The following TMTC2 variants were observed in gnomAD, a reference collection of about 807,000 sequenced individuals.
The protein encoded by TMTC2 is protein O-mannosyl-transferase TMTC2.
A neutral mutation model predicts 82.4 loss-of-function variants in TMTC2; 43 were observed. The observed-to-expected ratio is 0.52, with a 90% CI of 0.41 to 0.67. The LOEUF (loss-of-function observed/expected upper bound fraction) is 0.67. TMTC2 is among the 30% of genes least tolerant of loss of function. The probability of loss-of-function intolerance (pLI) is 0.00; values close to 1 mark genes in which losing one functional copy is unlikely to be tolerated. For synonymous variants in TMTC2, 408 were observed against 381.9 expected, an observed-to-expected ratio of 1.07 and a Z score of -0.80; for missense variants, 919 against 1,012.4, an observed-to-expected ratio of 0.91 and a Z score of 1.25.
chr12:82,790,322 G>A (rs997204940), intron 1 of TMTC2, among the ~76,000 whole-genome samples: 1 of 152,022 alleles, frequency 6.6e-6, no homozygotes, highest in Non-Finnish European at 1.5e-5. Flanking sequence ...GTAGGAGTTG[G>A]TTCTGTCTCT....
At position 83,030,865 on chromosome 12, in the gene TMTC2, G is replaced by A; in HGVS notation, c.2138G>A (p.Cys713Tyr). 6.2e-7 allele frequency: 1 copy of A among 1,612,728 alleles called. No homozygotes were observed. The highest frequency in any genetic ancestry group is 2.2e-5 in the East Asian group (1 of 44,854). Residue 713 changes from cysteine (C) to tyrosine (Y), a missense_variant, in exon 9 of 12, where the codon TGT (cysteine) becomes TAT (tyrosine). Coordinates refer to ENST00000321196, the MANE Select transcript of TMTC2 (RefSeq NM_152588.3). The part of the protein sequence containing the change: ...AIELDPTKGN[C>Y]YMHYGQFLLE... ...GAGCTGGATCCCACCAAAGGAAACTGTTACATGCATTATGGTGAGTGGTTG... is the reference window on the plus strand; with the variant it reads ...GAGCTGGATCCCACCAAAGGAAACTATTACATGCATTATGGTGAGTGGTTG...
chr12:82,986,117 G>T, intron 8 of TMTC2, 71 bp downstream of exon 8: 1 of 1,605,192 alleles, frequency 6.2e-7, no homozygotes, highest in Non-Finnish European at 8.5e-7. Context: ...TGGGTTTGAG[G>T]TACTGTTTTA....
intron 2 of TMTC2, among the ~76,000 whole-genome samples, chr12:82,874,353 A>G (rs1872370819): frequency 6.6e-6 from 1 of 152,196 alleles, no homozygotes; most frequent in African/African-American, 2.4e-5. Context: ...AGGATGCTTC[A>G]GGACCAAATT....
intron 11 of TMTC2, among the ~76,000 whole-genome samples, chr12:83,077,969 A>G (rs1471280805): frequency 7.3e-6 from 1 of 137,600 alleles, no homozygotes; most frequent in African/African-American, 2.8e-5. Context: ...CCTCCCCCCC[A>G]CAATACCTAA....
chr12:82,961,015 A>G (rs1278107593), intron 4 of TMTC2, among the ~76,000 whole-genome samples: 2 of 151,820 alleles, frequency 1.3e-5, no homozygotes, highest in African/African-American at 4.8e-5. Context: ...GAATTTTGGC[A>G]CCTTCTTACC....
chr12:82,940,609 T>C (rs1371281413), intron 4 of TMTC2, among the ~76,000 whole-genome samples: 2 of 146,524 alleles, frequency 1.4e-5, no homozygotes, highest in Non-Finnish European at 1.5e-5. Flanking sequence ...TATGTTTTGC[T>C]TTTTTTTTTT....
At chr12:82,927,388 T>C (rs1264591064) in intron 3 of TMTC2, among the ~76,000 whole-genome samples, 1 of 152,214 alleles carries the variant, frequency 6.6e-6, no homozygotes, top group African/African-American at 2.4e-5. Context: ...AATCTCATGA[T>C]AACGTATTTA....
intron 1 of TMTC2, among the ~76,000 whole-genome samples, chr12:82,807,187 G>T (rs1449290236): frequency 6.6e-6 from 1 of 152,102 alleles, no homozygotes; most frequent in East Asian, 1.9e-4. Flanking sequence ...TGTGTTCATT[G>T]TCAAATGATT....
At position 82,896,573 on chromosome 12, in the gene TMTC2, T is replaced by A. The variant is rs1394521179; in HGVS notation, c.1410T>A (p.Thr470=). The A allele has an allele frequency of 6.2e-7, 1 of 1,614,158 alleles. No homozygotes were observed. The highest frequency in any genetic ancestry group is 8.5e-7 in the Non-Finnish European group (1 of 1,180,032). The change falls in exon 3 of 12, where the codon ACT becomes ACA. Residue 470 remains threonine, a synonymous_variant. Coordinates refer to ENST00000321196, the MANE Select transcript of TMTC2 (RefSeq NM_152588.3). The part of the protein sequence containing the change: ...ATLIVFYGLK[T]AIRNGDWQNE... ...TAATTGTTTTTTATGGACTCAAGACTGCGATCAGGAATGGAGACTGGCAGA... is the reference window on the plus strand; with the variant it reads ...TAATTGTTTTTTATGGACTCAAGACAGCGATCAGGAATGGAGACTGGCAGA...
At chr12:83,010,180 A>G (rs986620601) in intron 8 of TMTC2, among the ~76,000 whole-genome samples, 1 of 152,142 alleles carries the variant, frequency 6.6e-6, no homozygotes, top group Non-Finnish European at 1.5e-5. Context: ...CTCTCTCTAT[A>G]TCTATTTTTT....
intron 11 of TMTC2, among the ~76,000 whole-genome samples, chr12:83,084,335 CA>C (rs1200571680): frequency 6.6e-6 from 1 of 152,062 alleles, no homozygotes; most frequent in Non-Finnish European, 1.5e-5. Context: ...TAATGGCATA[CA>C]TATTTTTTAT....
At chr12:82,707,151 G>T (rs1873399715) in intron 1 of TMTC2, among the ~76,000 whole-genome samples, 1 of 152,170 alleles carries the variant, frequency 6.6e-6, no homozygotes, top group African/African-American at 2.4e-5. Flanking sequence ...AAGCTGGGAG[G>T]TCCAAGATCA....
intron 1 of TMTC2, among the ~76,000 whole-genome samples, chr12:82,793,453 CATT>C (rs1878563455): frequency 6.7e-6 from 1 of 148,244 alleles, no homozygotes; most frequent in Non-Finnish European, 1.5e-5. Context: ...TTCTAAGAAA[CATT>C]ATTTAATTAA....
intron 8 of TMTC2, among the ~76,000 whole-genome samples, chr12:83,016,216 T>G (rs1880670482): frequency 1.3e-5 from 2 of 152,316 alleles, no homozygotes; most frequent in South Asian, 4.1e-4. Context: ...TAGTGTTAAA[T>G]TAAGAAAAAT....
chr12:82,983,676 GT>G (rs1392807254), intron 7 of TMTC2, among the ~76,000 whole-genome samples: 1 of 151,864 alleles, frequency 6.6e-6, no homozygotes, highest in Non-Finnish European at 1.5e-5. Context: ...AAATACAATG[GT>G]TGTACAACTT....
chr12:83,046,247 G>T (rs1196637871), intron 9 of TMTC2, among the ~76,000 whole-genome samples: 1 of 152,114 alleles, frequency 6.6e-6, no homozygotes, highest in African/African-American at 2.4e-5. Flanking sequence ...GCTAATCCCA[G>T]ATGTCATCAG....
chr12:82,776,538 A>C (rs1877607719), intron 1 of TMTC2, among the ~76,000 whole-genome samples: 1 of 150,144 alleles, frequency 6.7e-6, no homozygotes. Flanking sequence ...TGGGAGGCCA[A>C]GGTGGGAGAA....
chr12:83,101,809 A>G lies in TMTC2; in HGVS notation c.2332-30401A>G, dbSNP rs184981547. On this transcript the variant is annotated intron_variant, in intron 11 of 11. Transcript: ENST00000321196. ...CAAAAAATATAAAAGTAGTAAACAA[A>G]TGTAAGATACCTGTCAAATAATTAA... 5.9e-4 allele frequency among the ~76,000 whole-genome samples: 90 copies of G among 152,358 alleles called. 2 individuals are homozygous for G. In the South Asian group the frequency reaches 8.7e-3, roughly 15 times the overall value.
intron 1 of TMTC2, among the ~76,000 whole-genome samples, chr12:82,731,141 G>A (rs772640608): frequency 2.0e-5 from 3 of 152,172 alleles, no homozygotes; most frequent in South Asian, 4.1e-4. Context: ...TCGAGTATTG[G>A]CTGCTACCTT....
Sources: gnomAD v4.1 joint callset for allele counts (sites outside exome capture counted in the v4.1 genomes callset) on GRCh38, gnomAD v4.1.1 for gene constraint, MANE v1.5 for transcripts, NCBI Gene and HGNC (gene_info 2026-07-23, HGNC 2026-07-21) for gene names.